NFX1: variants seen among roughly 807,000 people sequenced by gnomAD.
NFX1 encodes transcriptional repressor NF-X1.
Under a neutral mutation model 137.2 loss-of-function variants are expected in NFX1, and 69 were observed. That is an observed-to-expected ratio of 0.50 (90% CI 0.41 to 0.61). The LOEUF is 0.61. NFX1 is among the 20% of genes least tolerant of loss of function. The pLI is 0.00. For synonymous variants in NFX1, 495 were observed against 474.1 expected, an observed-to-expected ratio of 1.04 and a Z score of -0.57; for missense variants, 1,167 against 1,391.0, an observed-to-expected ratio of 0.84 and a Z score of 2.56.
chr9:33,344,914 C>T (rs1469838897), intron 14 of NFX1, among the ~76,000 whole-genome samples: 1 of 152,076 alleles, frequency 6.6e-6, no homozygotes. Context: ...GTAATCCTAG[C>T]ACTTTGGGAG....
At chr9:33,321,342 A>G (rs1822376820) in intron 9 of NFX1, among the ~76,000 whole-genome samples, 1 of 152,188 alleles carries the variant, frequency 6.6e-6, no homozygotes, top group Non-Finnish European at 1.5e-5. Context: ...TTGACTGAGA[A>G]GCTCAGAGAC....
At chr9:33,364,267 C>G (rs1739680773) in intron 20 of NFX1, among the ~76,000 whole-genome samples, 159 bp downstream of exon 20, 1 of 152,200 alleles carries the variant, frequency 6.6e-6, no homozygotes, top group African/African-American at 2.4e-5. Flanking sequence ...AAATATCCTT[C>G]TCTTGGTTTC....
At chr9:33,317,709 C>T (rs1407186127) in intron 7 of NFX1, among the ~76,000 whole-genome samples, 1 of 151,602 alleles carries the variant, frequency 6.6e-6, no homozygotes, top group East Asian at 1.9e-4. Context: ...GGCGTGGTGG[C>T]TCACGCCTGT....
intron 15 of NFX1, chr9:33,348,737 A>G (rs1823526559): frequency 3.0e-6 from 3 of 984,038 alleles, no homozygotes; most frequent in Non-Finnish European, 3.6e-6. Flanking sequence ...ATGCATATTT[A>G]TTGTACAGTT....
At chr9:33,335,594 G>T (rs922207567) in intron 11 of NFX1, among the ~76,000 whole-genome samples, 1 of 152,046 alleles carries the variant, frequency 6.6e-6, no homozygotes, top group Admixed American at 6.5e-5. Context: ...GACCAGGCTG[G>T]TCTTGAATGC....
intron 11 of NFX1, among the ~76,000 whole-genome samples, chr9:33,336,868 A>G (rs988677092): frequency 6.6e-6 from 1 of 152,148 alleles, no homozygotes; most frequent in Non-Finnish European, 1.5e-5. Context: ...TTGGGAGGCC[A>G]AGGCAGGCGG....
At chr9:33,310,419 A>G (rs1011777523) in intron 5 of NFX1, among the ~76,000 whole-genome samples, 6 of 152,210 alleles carry the variant, frequency 3.9e-5, no homozygotes, top group Non-Finnish European at 5.9e-5. Flanking sequence ...AGGGCAGTAT[A>G]TATTTGAATA....
Position 33,351,669 on chromosome 9 carries a change from A to G in NFX1, c.2534A>G (p.Glu845Gly), listed in dbSNP as rs1229001059. The G allele has an allele frequency of 6.2e-7, 1 of 1,613,928 alleles. No individual in the cohort carries two copies. The highest frequency in any genetic ancestry group is 8.5e-7 in the Non-Finnish European group (1 of 1,180,010). Residue 845 changes from glutamate (E) to glycine (G), a missense_variant, in exon 16 of 24, where the codon GAG (glutamate) becomes GGG (glycine). By Grantham distance (98) the Glu-to-Gly change is moderately conservative. Around this residue, in one of 3 missense-constraint regions of NFX1, gnomAD observed 488 missense variants for 691.5 expected, o/e 0.71. Coordinates refer to ENST00000379540, the MANE Select transcript of NFX1 (RefSeq NM_002504.6). The stretch of plus-strand genomic sequence containing the variant: ...TGTCAGAGACTCTGTCACAAAGGGG[A>G]GTGTCTTGTGGATGAGCCCTGCAAG... ...HKCQRLCHKG[E>G]CLVDEPCKQP... is the part of the protein sequence containing the mutation.
chr9:33,315,950 G>A (rs994127592), intron 7 of NFX1, among the ~76,000 whole-genome samples: 31 of 151,688 alleles, frequency 2.0e-4, no homozygotes, highest in African/African-American at 2.4e-4. Flanking sequence ...TGGGATCCAC[G>A]AAAACCAGTA....
At chr9:33,309,066 A>G (rs1458633794) in intron 5 of NFX1, among the ~76,000 whole-genome samples, 1 of 152,166 alleles carries the variant, frequency 6.6e-6, no homozygotes, top group East Asian at 1.9e-4. Flanking sequence ...AGTAATAAGA[A>G]GTTAATCCTG....
intron 6 of NFX1, among the ~76,000 whole-genome samples, chr9:33,311,858 A>AT (rs77128013): frequency 5.3e-5 from 8 of 150,094 alleles, no homozygotes; most frequent in South Asian, 2.1e-4. Context: ...GTCGGCAAGG[A>AT]TTTTTTTTTT....
intron 23 of NFX1, among the ~76,000 whole-genome samples, chr9:33,368,765 T>C (rs1326424210): frequency 9.9e-5 from 15 of 152,174 alleles, no homozygotes; most frequent in Non-Finnish European, 1.5e-5. Flanking sequence ...TTACGGCAGT[T>C]CACAAGGTCA....
At chr9:33,296,941 T>C (rs1821379898) in intron 2 of NFX1, among the ~76,000 whole-genome samples, 1 of 152,216 alleles carries the variant, frequency 6.6e-6, no homozygotes, top group Non-Finnish European at 1.5e-5. Flanking sequence ...ATTTCTTTTC[T>C]TTTTTTGTGA....
chr9:33,357,933 T>C (rs1027846204), intron 19 of NFX1, among the ~76,000 whole-genome samples: 1 of 152,136 alleles, frequency 6.6e-6, no homozygotes, highest in African/African-American at 2.4e-5. Flanking sequence ...GTATTTAACT[T>C]GTAGGTCAAT....
chr9:33,352,073 T>G (rs1006541294), intron 16 of NFX1, among the ~76,000 whole-genome samples: 8 of 152,194 alleles, frequency 5.3e-5, no homozygotes, highest in African/African-American at 1.9e-4. Context: ...ATTTATTTAA[T>G]AAATGTATAA....
rs772080987 is a variant in NFX1, at chr9:33,303,240, T to C, written c.1242T>C (p.His414=). Residue 414 remains histidine, a synonymous_variant, in exon 4 of 24, where the codon CAT becomes CAC. Transcript: ENST00000379540. ...CTGCCTGTCAGAATGTTTCTGCACA[T>C]GTTCCTAATACCTACACTTGTTTCT... is the stretch of plus-strand genomic sequence containing the variant. ...RCPACQNVSA[H]VPNTYTCFCG... 1.4e-5 allele frequency: 23 copies of C among 1,614,046 alleles called. No homozygotes were observed. Among genetic ancestry groups the C allele is most frequent in the Middle Eastern group, 1.6e-4 (1 of 6,084 alleles).
intron 14 of NFX1, among the ~76,000 whole-genome samples, chr9:33,345,338 G>T (rs546194751): frequency 2.7e-4 from 40 of 150,856 alleles, no homozygotes; most frequent in Non-Finnish European, 5.0e-4. Context: ...TTAGCCTGGC[G>T]TGGTGGTGGA....
At position 33,352,719 on chromosome 9, in the gene NFX1, G is replaced by T; in HGVS notation, c.2729G>T (p.Arg910Ile). The T allele has an allele frequency of 6.2e-7, 1 of 1,613,098 alleles. No individual in the cohort carries two copies. The highest frequency in any genetic ancestry group is 8.5e-7 in the Non-Finnish European group (1 of 1,179,072). ...ICSEASSTYQRIAAISMASKI... is the reference protein window; with the variant it reads ...ICSEASSTYQIIAAISMASKI... ...TCTGAAGCATCTAGTACTTATCAAA[G>T]GTTAGTGTTACTTAAATGTTAACAA... The change falls in exon 17 of 24, where the codon AGA (arginine) becomes ATA (isoleucine). Residue 910 changes from arginine (R) to isoleucine (I), a missense_variant and splice_region_variant. Transcript: ENST00000379540.
chr9:33,328,486 G>A (rs1291741446), intron 9 of NFX1, 95 bp from the exon 10 acceptor site: 8 of 804,316 alleles, frequency 9.9e-6, no homozygotes, highest in Non-Finnish European at 1.7e-5. Context: ...GAGTTGCAGG[G>A]CATGGAGGGG....
Sources: allele counts gnomAD v4.1 joint callset (sites outside exome capture counted in the v4.1 genomes callset), GRCh38; gene constraint gnomAD v4.1.1; regional missense constraint gnomAD v4.1.1; transcripts MANE v1.5; gene names NCBI Gene and HGNC (gene_info 2026-07-23, HGNC 2026-07-21).